The following NBEA variants were observed in gnomAD, a reference collection of about 807,000 sequenced individuals.
NBEA encodes the protein lysosomal-trafficking regulator 2.
Under a neutral mutation model 343.4 loss-of-function variants are expected in NBEA, and 44 were observed. The ratio of observed to expected loss-of-function variants is 0.13; its 90% CI spans 0.10 to 0.16. NBEA has a LOEUF of 0.16. NBEA is among the 10% of genes least tolerant of loss of function. The probability of loss-of-function intolerance (pLI) is 1.00; values close to 1 mark genes in which losing one functional copy is unlikely to be tolerated. For missense variants in NBEA, 2,555 were observed against 3,631.3 expected (o/e 0.70, Z 7.62); for synonymous variants, 1,175 against 1,238.7 (o/e 0.95, Z 1.08).
intron 41 of NBEA, among the ~76,000 whole-genome samples, chr13:35,490,936 C>CCT (rs964909388): frequency 1.1e-4 from 17 of 152,020 alleles, no homozygotes; most frequent in African/African-American, 3.9e-4. Flanking sequence ...TCATATAGAA[C>CCT]CTCTCTAAGT....
At chr13:35,274,560 G>A (rs941206908) in intron 34 of NBEA, among the ~76,000 whole-genome samples, 1 of 152,170 alleles carries the variant, frequency 6.6e-6, no homozygotes, top group African/African-American at 2.4e-5. Context: ...GTTATGAAAA[G>A]AGGAAGTCAA....
intron 36 of NBEA, among the ~76,000 whole-genome samples, chr13:35,333,001 A>T (rs2039021858): frequency 1.3e-5 from 2 of 152,130 alleles, no homozygotes; most frequent in Non-Finnish European, 2.9e-5. Context: ...ACCAGAAGTA[A>T]AGCAGAGAAT....
chr13:35,258,252 C>A (rs558809223), intron 34 of NBEA, among the ~76,000 whole-genome samples: 31 of 151,956 alleles, frequency 2.0e-4, no homozygotes, highest in African/African-American at 7.2e-4. Flanking sequence ...TCTGCAACCT[C>A]CACCTCCTGT....
chr13:35,196,381 A>G, intron 31 of NBEA, 79 bp downstream of exon 31: 3 of 1,334,162 alleles, frequency 2.2e-6, no homozygotes, highest in Non-Finnish European at 3.0e-6. Context: ...AATATAAGGA[A>G]GATCTTGAAA....
intron 36 of NBEA, among the ~76,000 whole-genome samples, chr13:35,326,588 A>T (rs2038575620): frequency 6.6e-6 from 1 of 151,972 alleles, no homozygotes; most frequent in African/African-American, 2.4e-5. Context: ...TAATGGTATG[A>T]TAGTTAGGCT....
intron 38 of NBEA, 123 bp downstream of exon 38, chr13:35,352,446 T>C (rs1230644769): frequency 1.7e-6 from 1 of 579,424 alleles, no homozygotes; most frequent in Non-Finnish European, 2.5e-6. Flanking sequence ...AAAAAATTAC[T>C]TGAAAATTTT....
chr13:35,044,781 G>C (rs2062784680), intron 2 of NBEA, among the ~76,000 whole-genome samples, 166 bp from the exon 3 acceptor site: 1 of 151,494 alleles, frequency 6.6e-6, no homozygotes, highest in South Asian at 2.1e-4. Context: ...TAATTGGAAT[G>C]GCTATTCATG....
chr13:35,040,398 C>A (rs1157030813), intron 1 of NBEA, among the ~76,000 whole-genome samples: 1 of 151,898 alleles, frequency 6.6e-6, no homozygotes, highest in African/African-American at 2.4e-5. Flanking sequence ...CATTACAAGA[C>A]CTTGCATACT....
At chr13:35,325,891 A>G (rs2038524731) in intron 36 of NBEA, among the ~76,000 whole-genome samples, 1 of 152,074 alleles carries the variant, frequency 6.6e-6, no homozygotes, top group Admixed American at 6.6e-5. Flanking sequence ...TAGCTATCCT[A>G]GCACCATTTA....
At chr13:35,528,964 A>T (rs1405093674) in intron 41 of NBEA, among the ~76,000 whole-genome samples, 1 of 152,168 alleles carries the variant, frequency 6.6e-6, no homozygotes, top group Non-Finnish European at 1.5e-5. Context: ...TGAGTATGGT[A>T]TTATTTTATA....
intron 6 of NBEA, among the ~76,000 whole-genome samples, chr13:35,054,413 T>C (rs2063172190): frequency 6.6e-6 from 1 of 152,106 alleles, no homozygotes; most frequent in South Asian, 2.1e-4. Context: ...AGATTTTCTC[T>C]TCTGATTTTA....
At chr13:35,472,566 T>C (rs1044466576) in intron 41 of NBEA, 30 bp downstream of exon 41, 24 of 1,613,434 alleles carry the variant, frequency 1.5e-5, no homozygotes, top group Non-Finnish European at 1.9e-5. Flanking sequence ...TGTACAGTAT[T>C]GGTGGCTTTG....
intron 45 of NBEA, among the ~76,000 whole-genome samples, chr13:35,578,454 C>T (rs544622340): frequency 6.6e-5 from 10 of 152,012 alleles, no homozygotes; most frequent in Non-Finnish European, 8.8e-5. Context: ...GACAGGAGTT[C>T]GAGACCAGCC....
intron 10 of NBEA, among the ~76,000 whole-genome samples, chr13:35,081,163 G>T (rs901359262): frequency 2.0e-5 from 3 of 152,136 alleles, no homozygotes; most frequent in African/African-American, 7.2e-5. Context: ...ATTCATGGGG[G>T]AATAGCAGGA....
At chr13:35,230,663 A>T (rs185892719) in intron 33 of NBEA, among the ~76,000 whole-genome samples, 202 of 152,250 alleles carry the variant, frequency 1.3e-3, no homozygotes, top group African/African-American at 4.8e-3. Context: ...AGATTCAAAA[A>T]AGAATCTCTT....
intron 11 of NBEA, among the ~76,000 whole-genome samples, chr13:35,105,401 T>A (rs2065868103): frequency 6.6e-6 from 1 of 152,004 alleles, no homozygotes; most frequent in African/African-American, 2.4e-5. Context: ...CTCAATAATG[T>A]CATCAGAGAC....
chr13:35,109,028 A>G (rs1313133902), intron 11 of NBEA, among the ~76,000 whole-genome samples: 2 of 152,156 alleles, frequency 1.3e-5, no homozygotes, highest in Admixed American at 6.6e-5. Flanking sequence ...TCATTTCTTT[A>G]GCTAATAGTA....
At chr13:35,390,405 C>A (rs2042445849) in intron 38 of NBEA, among the ~76,000 whole-genome samples, 1 of 152,102 alleles carries the variant, frequency 6.6e-6, no homozygotes, top group South Asian at 2.1e-4. Context: ...TTTTGAAGAA[C>A]CTAAATTCAG....
chr13:35,228,732 A>G (rs1433703464), intron 33 of NBEA, among the ~76,000 whole-genome samples: 1 of 152,126 alleles, frequency 6.6e-6, no homozygotes, highest in Non-Finnish European at 1.5e-5. Context: ...ACTATTAAGA[A>G]AAATAGCCAA....
Sources: allele counts gnomAD v4.1 joint callset (sites outside exome capture counted in the v4.1 genomes callset), GRCh38; gene constraint gnomAD v4.1.1; transcripts MANE v1.5; gene names NCBI Gene and HGNC (gene_info 2026-07-23, HGNC 2026-07-21).